Variants in PRKCH observed in about 807,000 individuals in gnomAD.
The protein encoded by PRKCH is protein kinase C eta type.
PRKCH carries 28 observed loss-of-function variants against 82.5 expected under a neutral mutation model. The ratio of observed to expected loss-of-function variants is 0.34; its 90% CI spans 0.25 to 0.47. PRKCH has a LOEUF of 0.47. PRKCH is among the 20% of genes least tolerant of loss of function. PRKCH has a pLI of 1.00. For synonymous variants in PRKCH, 322 were observed against 327.4 expected, an observed-to-expected ratio of 0.98 and a Z score of 0.18; for missense variants, 705 against 881.8, an observed-to-expected ratio of 0.80 and a Z score of 2.54.
chr14:61,418,186 T>C lies in PRKCH; in HGVS notation c.428-24925T>C, dbSNP rs540190020. ...GTACGATGTAAGTGTACTTGTCATG[T>C]AGAGTTTTACCAAAACTATATTAGA... is the stretch of plus-strand genomic sequence containing the variant. On this transcript the variant is annotated intron_variant, in intron 2 of 13. Coordinates refer to ENST00000332981, the MANE Select transcript of PRKCH (RefSeq NM_006255.5). 5.2e-5 allele frequency among the ~76,000 whole-genome samples: 8 copies of C among 152,382 alleles called. No individual in the cohort carries two copies. In the South Asian group the frequency reaches 1.7e-3, roughly 32 times the overall value.
chr14:61,329,877 G>A (rs1271233657), intron 1 of PRKCH, among the ~76,000 whole-genome samples: 1 of 152,188 alleles, frequency 6.6e-6, no homozygotes. Flanking sequence ...TGGTCACAGG[G>A]AGTTCAGGGT....
intron 1 of PRKCH, among the ~76,000 whole-genome samples, chr14:61,228,663 C>A (rs1235565247): frequency 1.3e-5 from 2 of 151,978 alleles, no homozygotes; most frequent in East Asian, 3.9e-4. Context: ...AAGAGTTCAT[C>A]AAACCTTTTC....
At position 61,485,525 on chromosome 14, in the gene PRKCH, G is replaced by A. The variant is rs1566908171; in HGVS notation, c.1302G>A (p.Glu434=). 2 of 1,613,904 alleles carry A rather than the reference G, an allele frequency of 1.2e-6. No individual in the cohort carries two copies. The highest frequency in any genetic ancestry group is 3.3e-5 in the Admixed American group (2 of 59,980). ...AGGATCGTCTGTTTTTTGTGATGGA[G>A]TTTGTGAATGGGGGTGACTTGATGT... is the stretch of plus-strand genomic sequence containing the variant. ...QTPDRLFFVM[E]FVNGGDLMFH... The change falls in exon 10 of 14, where the codon GAG becomes GAA. Residue 434 remains glutamate (E), a synonymous_variant. Coordinates refer to ENST00000332981, the MANE Select transcript of PRKCH (RefSeq NM_006255.5).
intron 1 of PRKCH, chr14:61,353,878 A>G (rs2046113285): frequency 6.6e-6 from 1 of 152,180 alleles, no homozygotes; most frequent in Non-Finnish European, 1.5e-5. Context: ...TTATGGTTAC[A>G]GTGGGCTATG....
chr14:61,486,007 G>A (rs1267880074), intron 10 of PRKCH, among the ~76,000 whole-genome samples: 1 of 152,098 alleles, frequency 6.6e-6, no homozygotes, highest in Non-Finnish European at 1.5e-5. Flanking sequence ...GGATCCATTA[G>A]GATAAATTAA....
intron 1 of PRKCH, among the ~76,000 whole-genome samples, chr14:61,249,658 G>A (rs2044923992): frequency 6.6e-6 from 1 of 151,384 alleles, no homozygotes; most frequent in Non-Finnish European, 1.5e-5. Flanking sequence ...GTCTCGCTCT[G>A]TCTCCAGGCT....
chr14:61,197,603 T>C (rs1159739107), intron 1 of PRKCH, among the ~76,000 whole-genome samples: 1 of 152,170 alleles, frequency 6.6e-6, no homozygotes, highest in Non-Finnish European at 1.5e-5. Flanking sequence ...CTCATTAAAC[T>C]ATTAACCCAT....
At chr14:61,282,196 G>A (rs1313629288) in intron 1 of PRKCH, among the ~76,000 whole-genome samples, 1 of 150,668 alleles carries the variant, frequency 6.6e-6, no homozygotes. Context: ...GCCTAAGGAA[G>A]TAAACTACAA....
intron 9 of PRKCH, among the ~76,000 whole-genome samples, chr14:61,459,795 T>TA (rs1884948338): frequency 6.6e-6 from 1 of 152,190 alleles, no homozygotes; most frequent in Non-Finnish European, 1.5e-5. Flanking sequence ...TGTTTATCTT[T>TA]TAAAAACACA....
intron 1 of PRKCH, among the ~76,000 whole-genome samples, chr14:61,259,768 A>T (rs1335495132): frequency 6.6e-6 from 1 of 152,178 alleles, no homozygotes; most frequent in African/African-American, 2.4e-5. Flanking sequence ...TAGTTCACTC[A>T]AATCCTAGTT....
chr14:61,259,348 G>A (rs2045026025), intron 1 of PRKCH, among the ~76,000 whole-genome samples: 1 of 152,140 alleles, frequency 6.6e-6, no homozygotes, highest in African/African-American at 2.4e-5. Context: ...GTTATCAAAA[G>A]CATTTTCTGG....
chr14:61,314,090 C>T lies in PRKCH; in HGVS notation c.-19+126422C>T, dbSNP rs1164752799. 2.6e-5 allele frequency among the ~76,000 whole-genome samples: 4 copies of T among 152,138 alleles called. No individual in the cohort carries two copies. The East Asian group carries it at 5.8e-4, about 22-fold the overall frequency. The stretch of plus-strand genomic sequence containing the variant: ...CTCATTTGGTGACATGCTAGTTTTA[C>T]GTGTTAGAAGTGGATACAAAGAAAT... On this transcript the variant is annotated intron_variant, in intron 1 of 3. Coordinates refer to the PRKCH transcript ENST00000555185.
chr14:61,541,282 A>T (rs1242453263), intron 12 of PRKCH, among the ~76,000 whole-genome samples: 2 of 152,272 alleles, frequency 1.3e-5, no homozygotes, highest in Non-Finnish European at 2.9e-5. Flanking sequence ...TGCAACACGC[A>T]TGCGTGGTGT....
In PRKCH at chr14:61,549,979, C is replaced by A; in HGVS notation, c.*148C>A. Reference sequence around the variant, plus strand: ...GTGAAGAACTCTGTGAAGGATGGAACTTTCAGATATCAACTATTTAGAGTC... The same window carrying A: ...GTGAAGAACTCTGTGAAGGATGGAAATTTCAGATATCAACTATTTAGAGTC... On this transcript the variant is annotated 3_prime_UTR_variant, in exon 14 of 14. Coordinates refer to ENST00000332981, the MANE Select transcript of PRKCH (RefSeq NM_006255.5). 1.3e-6 allele frequency: 1 copy of A among 799,692 alleles called. No individual in the cohort carries two copies. The highest frequency in any genetic ancestry group is 1.9e-6 in the Non-Finnish European group (1 of 518,488). 49.5% of individuals were successfully genotyped at this position (799,692 alleles called of 1,614,324 possible).
chr14:61,546,100 T>C (rs2140041983), intron 12 of PRKCH, among the ~76,000 whole-genome samples: 1 of 152,380 alleles, frequency 6.6e-6, no homozygotes, highest in East Asian at 1.9e-4. Flanking sequence ...TTGTATCCCG[T>C]TGACTTTCCT....
At chr14:61,307,117 G>A (rs2045490254) in intron 1 of PRKCH, 1 of 152,040 alleles carries the variant, frequency 6.6e-6, no homozygotes. Flanking sequence ...ACAACAACAG[G>A]GCCGGGTGCA....
Position 61,322,143 on chromosome 14 carries a change from C to T in PRKCH, c.42C>T (p.Val14=), listed in dbSNP as rs1439637910. 1 of 1,604,306 alleles carries T rather than the reference C, an allele frequency of 6.2e-7. No homozygotes were observed. Among genetic ancestry groups the T allele is most frequent in the South Asian group, 1.1e-5 (1 of 89,480 alleles). Residue 14 remains valine, a synonymous_variant, in exon 1 of 14, where the codon GTC becomes GTT. Coordinates refer to ENST00000332981, the MANE Select transcript of PRKCH (RefSeq NM_006255.5). The part of the protein sequence containing the change: ...GTMKFNGYLR[V]RIGEAVGLQP... ...TGAAGTTCAATGGCTATTTGAGGGTCCGCATCGGTGAGGCAGTGGGGCTGC... is the reference window on the plus strand; with the variant it reads ...TGAAGTTCAATGGCTATTTGAGGGTTCGCATCGGTGAGGCAGTGGGGCTGC...
intron 1 of PRKCH, among the ~76,000 whole-genome samples, chr14:61,234,882 A>G (rs538078865): frequency 1.3e-5 from 2 of 152,364 alleles, no homozygotes; most frequent in East Asian, 3.9e-4. Context: ...GGAATCTGCC[A>G]CATAGCCATA....
rs192699715 is a variant in PRKCH, at chr14:61,537,060, C to G, written c.1761+6465C>G. ...GGATTTCTACTTGAAAAGAATTCCC[C>G]AAATCATTAACCAGTAATCGCACAT... is the stretch of plus-strand genomic sequence containing the variant. On this transcript the variant is annotated intron_variant, in intron 12 of 13. Transcript: ENST00000332981. Among the ~76,000 whole-genome samples the G allele has an allele frequency of 6.6e-3, 998 of 152,266 alleles. 12 individuals carry two copies. Among genetic ancestry groups the G allele is most frequent in the African/African-American group, 0.023 (941 of 41,532 alleles).
Sources: gnomAD v4.1 joint callset for allele counts (sites outside exome capture counted in the v4.1 genomes callset) on GRCh38, gnomAD v4.1.1 for gene constraint, MANE v1.5 for transcripts, NCBI Gene and HGNC (gene_info 2026-07-23, HGNC 2026-07-21) for gene names.